Variants in HECTD3 observed in about 807,000 individuals in gnomAD.
The protein encoded by HECTD3 is E3 ubiquitin-protein ligase HECTD3.
In HECTD3, 72 loss-of-function variants were observed where a neutral mutation model predicts 109.3. The ratio of observed to expected loss-of-function variants is 0.66; its 90% confidence interval spans 0.54 to 0.80. The LOEUF is 0.80. Ranked by LOEUF, HECTD3 falls within the 30% of genes least tolerant of loss-of-function variation. HECTD3 has a pLI of 0.00. For missense variants in HECTD3, 1,041 were observed against 1,165.2 expected (o/e 0.89, Z 1.55); for synonymous variants, 481 against 471.8 (o/e 1.02, Z -0.25).
At chr1:45,009,951 A>C in intron 4 of HECTD3, 35 bp downstream of exon 4, 1 of 1,517,706 alleles carries the variant, frequency 6.6e-7, no homozygotes, top group Non-Finnish European at 8.8e-7. Context: ...GTGTGACTAT[A>C]TCTTGCCTGG....
At position 45,010,120 on chromosome 1, in the gene HECTD3, A is replaced by G; in HGVS notation, c.625T>C (p.Tyr209His). 6.2e-7 allele frequency: 1 copy of G among 1,611,510 alleles called. No homozygotes were observed. Among genetic ancestry groups the G allele is most frequent in the South Asian group, 1.1e-5 (1 of 90,994 alleles). ...TCGTAGGTCCATGTCGGGGGTACAT[A>G]GCTAAGCAACCCCAAGCCCCTAATT... ...AYAEAVQRLL[Y>H]VPPTWTYECD... is the part of the protein sequence containing the mutation. Residue 209 changes from tyrosine (Y) to histidine (H), a missense_variant and splice_region_variant, in exon 4 of 21, where the codon TAT (tyrosine) becomes CAT (histidine). Tyr to His is a moderately conservative substitution (Grantham distance 83). Transcript: ENST00000372172.
intron 4 of HECTD3, 48 bp downstream of exon 4, chr1:45,009,938 G>A (rs774937597): frequency 2.0e-6 from 3 of 1,515,722 alleles, no homozygotes; most frequent in Non-Finnish European, 1.8e-6. Context: ...CTAGCCTTGA[G>A]GGGTGTGACT....
chr1:45,009,091 GCCC>G, intron 7 of HECTD3, 50 bp downstream of exon 7: 1 of 1,356,340 alleles, frequency 7.4e-7, no homozygotes, highest in Non-Finnish European at 1.1e-6. Context: ...CTCTCTGTTT[GCCC>G]CCATCTCCAC....
chr1:45,006,855 T>C lies in HECTD3; in HGVS notation c.1622-60A>G. On this transcript the variant is annotated intron_variant, in intron 12 of 20. Coordinates refer to ENST00000372172, the MANE Select transcript of HECTD3 (RefSeq NM_024602.6). The surrounding 1 kb of genome is among the most constrained non-coding windows in gnomAD (Gnocchi z 4.7). ...GAGCCCAGCTCCCATAATGGGGTAA[T>C]GAATAGGTCCCCCATCATCATTAGC... 1 of 1,581,486 alleles carries C rather than the reference T, an allele frequency of 6.3e-7. No individual in the cohort carries two copies. The highest frequency in any genetic ancestry group is 2.2e-5 in the East Asian group (1 of 44,702).
Position 45,010,887 on chromosome 1 carries a change from A to C in HECTD3, c.369+2T>G. The stretch of plus-strand genomic sequence containing the variant: ...CCGGGTCCTGGGCAGGGAAGAGCGC[A>C]CCTTTGTCAGCTTCACCCAGAGCCC... On this transcript the variant is annotated splice_donor_variant, in intron 1 of 20. Coordinates refer to ENST00000372172, the MANE Select transcript of HECTD3 (RefSeq NM_024602.6). LOFTEE classifies it high-confidence loss of function. 2 of 1,519,270 alleles carry C rather than the reference A, an allele frequency of 1.3e-6. No homozygotes were observed. The highest frequency in any genetic ancestry group is 1.7e-6 in the Non-Finnish European group (2 of 1,145,224). The allele number at this position is 1,519,270 out of a possible 1,614,324, so 94.1% of individuals were successfully genotyped here. A position where few individuals can be genotyped will look rare whatever the true frequency, so the allele number is the denominator to read the frequency against.
Position 45,011,081 on chromosome 1 carries a change from C to A in HECTD3, c.177G>T (p.Ser59=). Residue 59 remains serine (S), a synonymous_variant, in exon 1 of 21, where the codon TCG becomes TCT. Transcript: ENST00000372172. ...YKLYKDPAGP[S]RVLLPVWEAE... ...CCTCCCACACCGGCAGAAGCACGCG[C>A]GACGGTCCCGCTGGGTCCTTGTAAA... 1 of 1,464,218 alleles carries A rather than the reference C, an allele frequency of 6.8e-7. No individual in the cohort carries two copies. The allele number at this position is 1,464,218 out of a possible 1,614,324, so 90.7% of individuals were successfully genotyped here. A position where few individuals can be genotyped will look rare whatever the true frequency, so the allele number is the denominator to read the frequency against.
chr1:45,004,182 G>C (rs1181450883), intron 17 of HECTD3, 48 bp from the exon 18 acceptor site: 1 of 1,614,110 alleles, frequency 6.2e-7, no homozygotes, highest in African/African-American at 1.3e-5. Flanking sequence ...ATCTTGCCCA[G>C]TCCTTGAGCC....
In HECTD3 at chr1:45,004,693, G is replaced by C; in HGVS notation, c.2049C>G (p.Ile683Met). ...CCACGACGATGCCTGCACCCCCAGG[G>C]ATCAGCTCCACCACCTGTTGGTCAC... The part of the protein sequence containing the change: ...VLSDQQVVEL[I>M]PGGAGIVVGY... Residue 683 changes from isoleucine (I) to methionine (M), a missense_variant, in exon 16 of 21, where the codon ATC (isoleucine) becomes ATG (methionine). Physicochemically the swap from Ile to Met is conservative, Grantham distance 10. This residue lies in a region of HECTD3 where 569 missense variants were observed against 715.3 expected (regional missense o/e 0.80). Transcript: ENST00000372172. 1.2e-6 allele frequency: 2 copies of C among 1,614,184 alleles called. No homozygotes were observed. Among genetic ancestry groups the C allele is most frequent in the Non-Finnish European group, 1.7e-6 (2 of 1,180,020 alleles).
Position 45,009,380 on chromosome 1 carries a change from C to G in HECTD3, c.978G>C (p.Val326=). The G allele has an allele frequency of 6.2e-7, 1 of 1,612,704 alleles. No individual in the cohort carries two copies. The highest frequency in any genetic ancestry group is 8.5e-7 in the Non-Finnish European group (1 of 1,178,796). The change falls in exon 6 of 21, where the codon GTG becomes GTC. Residue 326 remains valine (V), a synonymous_variant. Transcript: ENST00000372172. ...EGDNLKKLSD[V]SIDETLIGDV... ...GCCAGCGTGCTCACTCGTCAATGCT[C>G]ACGTCACTCAGCTTCTTCAGGTTGT...
chr1:45,010,301 C>T lies in HECTD3; in HGVS notation c.531-8G>A. 6.2e-7 allele frequency: 1 copy of T among 1,611,876 alleles called. No individual in the cohort carries two copies. Among genetic ancestry groups the T allele is most frequent in the Non-Finnish European group, 8.5e-7 (1 of 1,178,120 alleles). On this transcript the variant is annotated splice_region_variant and splice_polypyrimidine_tract_variant and intron_variant, in intron 2 of 20. Transcript: ENST00000372172. ...TCCACCACCTGTTCCCACCTGTGGGCACAGAGTAGGGAGTGGGATGGGGAG... is the reference window on the plus strand; with the variant it reads ...TCCACCACCTGTTCCCACCTGTGGGTACAGAGTAGGGAGTGGGATGGGGAG...
At chr1:45,007,805 C>T (rs1644750024) in intron 9 of HECTD3, among the ~76,000 whole-genome samples, 1 of 152,200 alleles carries the variant, frequency 6.6e-6, no homozygotes, top group Non-Finnish European at 1.5e-5. Context: ...CCTTCCTTAC[C>T]TTTCCAACAG....
At chr1:45,005,152 T>G (rs1442514804) in intron 15 of HECTD3, 1 of 409,542 alleles carries the variant, frequency 2.4e-6, no homozygotes, top group African/African-American at 2.0e-5. Context: ...ACCAAGTGGC[T>G]GGAGACACAG....
rs936491361 is a variant in HECTD3, at chr1:45,011,218, G to T, written c.40C>A (p.Arg14=). 8 of 1,422,918 alleles carry T rather than the reference G, an allele frequency of 5.6e-6. No homozygotes were observed. In the African/African-American group the frequency reaches 1.1e-4, roughly 19 times the overall value. The allele number at this position is 1,422,918 out of a possible 1,614,324, so 88.1% of individuals were successfully genotyped here. ...AAGCGCACGCGGCCCAGCAGCTGCC[G>T]GGGGGACTCCAGCACCGCGCCCGGG... ...PGPGAVLESP[R]QLLGRVRFLA... is the part of the protein sequence containing the mutation. Residue 14 remains arginine, a synonymous_variant, in exon 1 of 21, where the codon CGG becomes AGG. Coordinates refer to ENST00000372172, the MANE Select transcript of HECTD3 (RefSeq NM_024602.6).
rs41269097 is a variant in HECTD3 at position 45,010,214 on chromosome 1, C to T, written c.610G>A (p.Val204Ile). 5.9e-3 allele frequency: 9,500 copies of T among 1,614,018 alleles called. 46 individuals carry two copies. Among genetic ancestry groups the T allele is most frequent in the East Asian group, 0.013 (564 of 44,858 alleles). Reference sequence around the variant, plus strand: ...CAGCTCACTCACAGTAGCCTTTGTACAGCTTCTGCGTATGCCTCTGCCGGC... The same window carrying T: ...CAGCTCACTCACAGTAGCCTTTGTATAGCTTCTGCGTATGCCTCTGCCGGC... ...PQPAEAYAEA[V>I]QRLLYVPPTW... The change falls in exon 3 of 21, where the codon GTA (valine) becomes ATA (isoleucine). Residue 204 changes from valine (V) to isoleucine (I), a missense_variant. By Grantham distance (29) the Val-to-Ile change is conservative. This residue lies in a region of HECTD3 where 472 missense variants were observed against 449.9 expected (regional missense o/e 1.05). Transcript: ENST00000372172.
rs888268010 is a variant in HECTD3 at position 45,006,272 on chromosome 1, C to G, written c.1726-156G>C. On this transcript the variant is annotated intron_variant, in intron 13 of 20. Coordinates refer to ENST00000372172, the MANE Select transcript of HECTD3 (RefSeq NM_024602.6). This position sits in a 1 kb window ranked among gnomAD's most constrained non-coding sequence, Gnocchi z 4.7. ...CCTCTCCCTGTCTGCCCAGAGGTTGCCCTGAGCAACTCAGTCCCTCCTCTG... is the reference window on the plus strand; with the variant it reads ...CCTCTCCCTGTCTGCCCAGAGGTTGGCCTGAGCAACTCAGTCCCTCCTCTG... The G allele has an allele frequency of 1.1e-5, 10 of 896,912 alleles. No homozygotes were observed. The highest frequency in any genetic ancestry group is 1.7e-5 in the Non-Finnish European group (10 of 589,842). The allele number at this position is 896,912 out of a possible 1,614,324, so 55.6% of individuals were successfully genotyped here.
Position 45,010,624 on chromosome 1 carries a change from C to T in HECTD3, c.452G>A (p.Arg151His), listed in dbSNP as rs887065893. The change falls in exon 2 of 21, where the codon CGC (arginine) becomes CAC (histidine). Residue 151 changes from arginine to histidine, a missense_variant. Transcript: ENST00000372172. Reference protein sequence around the residue: ...LVCRPAEGGARLVPIDTPNHL... With the variant: ...LVCRPAEGGAHLVPIDTPNHL... ...GTTGGGAGTGTCGATGGGTACCAGG[C>T]GGGCTCCGCCCTCCGCCGGGCGGCA... 1.2e-6 allele frequency: 2 copies of T among 1,611,018 alleles called. No homozygotes were observed. Among genetic ancestry groups the T allele is most frequent in the Non-Finnish European group, 1.7e-6 (2 of 1,179,566 alleles).
In HECTD3 at chr1:45,007,261, C is replaced by T. The variant is rs1160516115; in HGVS notation, c.1514G>A (p.Gly505Asp). The change falls in exon 11 of 21, where the codon GGC becomes GAC. Residue 505 changes from glycine to aspartate, a missense_variant. Transcript: ENST00000372172. Reference sequence around the variant, plus strand: ...TTCATATTTGTCAGAGGGCTTGAGGCCTTCATATACCTGGAGGCAAGGAGG... The same window carrying T: ...TTCATATTTGTCAGAGGGCTTGAGGTCTTCATATACCTGGAGGCAAGGAGG... ...KNAVFTQVYE[G>D]LKPSDKYEKP... 6.2e-7 allele frequency: 1 copy of T among 1,613,272 alleles called. No individual in the cohort carries two copies. The highest frequency in any genetic ancestry group is 8.5e-7 in the Non-Finnish European group (1 of 1,179,610).
In HECTD3 at chr1:45,009,684, C is replaced by G; in HGVS notation, c.760-1G>C. ...TCAGGCAGGACACGTTGAACTCCTC[C>G]TGGGGAGGGGCAGAGACGTGAAGTC... On this transcript the variant is annotated splice_acceptor_variant, in intron 4 of 20. Coordinates refer to ENST00000372172, the MANE Select transcript of HECTD3 (RefSeq NM_024602.6). LOFTEE classifies it high-confidence loss of function. The G allele has an allele frequency of 1.9e-6, 3 of 1,611,230 alleles. No homozygotes were observed. Among genetic ancestry groups the G allele is most frequent in the Non-Finnish European group, 2.5e-6 (3 of 1,177,648 alleles).
At position 45,006,908 on chromosome 1, in the gene HECTD3, G is replaced by A; in HGVS notation, c.1621+43C>T. 6.2e-7 allele frequency: 1 copy of A among 1,605,026 alleles called. No individual in the cohort carries two copies. On this transcript the variant is annotated intron_variant, in intron 12 of 20. Transcript: ENST00000372172. This position sits in a 1 kb window ranked among gnomAD's most constrained non-coding sequence, Gnocchi z 4.7. ...GTGAAAAGCCTCTACCACTTTGATA[G>A]GGCAGCAAGCAGGACCCTTGAGATC...
Sources: gnomAD v4.1 joint callset for allele counts (sites outside exome capture counted in the v4.1 genomes callset) on GRCh38, gnomAD v4.1.1 for gene constraint, gnomAD v4.1.1 regional missense constraint, Gnocchi (gnomAD v3.1) non-coding constraint, MANE v1.5 for transcripts, NCBI Gene and HGNC (gene_info 2026-07-23, HGNC 2026-07-21) for gene names.